The following COL5A2 variants were observed in gnomAD, a reference collection of about 807,000 sequenced individuals.
The protein encoded by COL5A2 is collagen type V alpha 2 chain.
In COL5A2, 23 loss-of-function variants were observed where a neutral mutation model predicts 208.2. That is an observed-to-expected ratio of 0.11 (90% CI 0.08 to 0.16). The LOEUF (loss-of-function observed/expected upper bound fraction) is 0.16. COL5A2 is among the 10% of genes least tolerant of loss of function. The pLI is 1.00. For synonymous variants in COL5A2, 625 were observed against 628.5 expected (o/e 0.99, Z 0.08); for missense variants, 1,590 against 1,956.4 (o/e 0.81, Z 3.53).
At chr2:189,373,395 A>C in the COL5A2 span, among the ~76,000 whole-genome samples, 9 of 152,274 alleles carry the variant, frequency 5.9e-5, no homozygotes, top group Middle Eastern at 6.8e-3. Context: ...TCAGTGTTTA[A>C]ATGTTCTGCT....
chr2:189,322,596 C>G, the COL5A2 span, among the ~76,000 whole-genome samples: 9 of 151,640 alleles, frequency 5.9e-5, no homozygotes, highest in African/African-American at 2.2e-4. Context: ...ATAAATTCCT[C>G]GACACATACA....
chr2:189,380,054 C>A, the COL5A2 span, among the ~76,000 whole-genome samples: 178 of 150,762 alleles, frequency 1.2e-3, 2 homozygotes, highest in African/African-American at 3.6e-3. Context: ...ATATATATAT[C>A]TCAGCAGTTA....
intron 1 of COL5A2, among the ~76,000 whole-genome samples, chr2:189,207,869 CTGTTTCTGTTCCTCT>C (rs1210622253): frequency 6.6e-6 from 1 of 152,128 alleles, no homozygotes; most frequent in Non-Finnish European, 1.5e-5. Flanking sequence ...TTTTTTCTCA[CTGTTTCTGTTCCTCT>C]TGTTTCTGAT....
the COL5A2 span, among the ~76,000 whole-genome samples, chr2:189,248,553 A>T: frequency 1.3e-5 from 2 of 152,192 alleles, no homozygotes; most frequent in African/African-American, 4.8e-5. Context: ...GTATTTCATC[A>T]TCATGAGTTT....
intron 1 of COL5A2, among the ~76,000 whole-genome samples, chr2:189,133,514 C>T (rs1687767291): frequency 6.6e-6 from 1 of 152,124 alleles, no homozygotes; most frequent in South Asian, 2.1e-4. Context: ...CATCAACTAA[C>T]AGCATTGCAT....
intron 5 of COL5A2, among the ~76,000 whole-genome samples, chr2:189,098,160 G>A (rs1241585636): frequency 6.6e-6 from 1 of 152,182 alleles, no homozygotes; most frequent in Non-Finnish European, 1.5e-5. Context: ...TTAAAAGTGA[G>A]GGCTTCAGAA....
intron 1 of COL5A2, among the ~76,000 whole-genome samples, chr2:189,152,706 C>T (rs577177632): frequency 2.3e-4 from 35 of 152,248 alleles, no homozygotes; most frequent in African/African-American, 7.9e-4. Context: ...GGCCCAGGAC[C>T]AGGCCTAGCA....
At chr2:189,344,344 G>A in the COL5A2 span, among the ~76,000 whole-genome samples, 1 of 152,098 alleles carries the variant, frequency 6.6e-6, no homozygotes, top group Non-Finnish European at 1.5e-5. Flanking sequence ...GGGTCAAACA[G>A]CATCACAGAA....
At chr2:189,377,097 A>G in the COL5A2 span, among the ~76,000 whole-genome samples, 3 of 152,210 alleles carry the variant, frequency 2.0e-5, no homozygotes, top group African/African-American at 7.2e-5. Context: ...TTTCTGCTTC[A>G]TCTTTACTTT....
chr2:189,130,462 A>G (rs1428387098), intron 1 of COL5A2, among the ~76,000 whole-genome samples: 1 of 151,962 alleles, frequency 6.6e-6, no homozygotes, highest in African/African-American at 2.4e-5. Context: ...TTTATTCCTA[A>G]TTTTTGCTTT....
intron 6 of COL5A2, among the ~76,000 whole-genome samples, chr2:189,096,848 C>T (rs2105681934): frequency 6.6e-6 from 1 of 152,224 alleles, no homozygotes; most frequent in African/African-American, 2.4e-5. Flanking sequence ...TCTGCAGTGG[C>T]TGCTGAGTGA....
chr2:189,246,249 T>A, the COL5A2 span, among the ~76,000 whole-genome samples: 2 of 152,276 alleles, frequency 1.3e-5, no homozygotes, highest in African/African-American at 4.8e-5. Context: ...TACTCATAAG[T>A]TCTAGTTGGA....
chr2:189,367,484 C>A, the COL5A2 span, among the ~76,000 whole-genome samples: 1 of 152,206 alleles, frequency 6.6e-6, no homozygotes, highest in African/African-American at 2.4e-5. Context: ...AGATCGACTA[C>A]ACTACTATTG....
the COL5A2 span, among the ~76,000 whole-genome samples, chr2:189,356,700 G>A: frequency 6.6e-6 from 1 of 152,118 alleles, no homozygotes; most frequent in African/African-American, 2.4e-5. Flanking sequence ...ACTCGGAGGA[G>A]TTTGTTATTA....
At chr2:189,125,223 T>C (rs142801227) in intron 1 of COL5A2, among the ~76,000 whole-genome samples, 71 of 152,250 alleles carry the variant, frequency 4.7e-4, no homozygotes, top group African/African-American at 1.6e-3. Flanking sequence ...TCTGATGTTG[T>C]AGAGGTTCAA....
rs191193125 is a variant in COL5A2 at position 189,063,002 on chromosome 2, A to G, written c.1923+8T>C. 141 of 1,614,120 alleles carry G rather than the reference A, an allele frequency of 8.7e-5. No homozygotes were observed. The Admixed American group carries it at 1.5e-3, about 17-fold the overall frequency. ...ATTATTTTTCTTTAGCAGAAAATGT[A>G]TATTTACCCTCTGCCCAGGAACTCC... is the stretch of plus-strand genomic sequence containing the variant. On this transcript the variant is annotated splice_region_variant and intron_variant, in intron 28 of 53. Transcript: ENST00000374866.
chr2:189,290,715 A>AACACACACAC, the COL5A2 span, among the ~76,000 whole-genome samples: 1 of 32,722 alleles, frequency 3.1e-5, no homozygotes, highest in Admixed American at 4.2e-4. Flanking sequence ...GATTTTTGTT[A>AACACACACAC]ATACACACAC....
chr2:189,055,426 G>A (rs1208030276), intron 35 of COL5A2, among the ~76,000 whole-genome samples: 1 of 152,074 alleles, frequency 6.6e-6, no homozygotes, highest in Non-Finnish European at 1.5e-5. Context: ...TTCATATGCA[G>A]CCCAAATATT....
intron 26 of COL5A2, among the ~76,000 whole-genome samples, chr2:189,063,502 C>A (rs1416926743): frequency 6.6e-6 from 1 of 152,150 alleles, no homozygotes; most frequent in Admixed American, 6.5e-5. Context: ...CTCATGATGT[C>A]TCCTGACAGT....
Sources: gnomAD v4.1 joint callset for allele counts (sites outside exome capture counted in the v4.1 genomes callset) on GRCh38, gnomAD v4.1.1 for gene constraint, MANE v1.5 for transcripts, NCBI Gene and HGNC (gene_info 2026-07-23, HGNC 2026-07-21) for gene names.